The following BCAR3 variants were observed in gnomAD, a reference collection of about 807,000 sequenced individuals.
BCAR3 encodes breast cancer anti-estrogen resistance protein 3.
BCAR3 carries 37 observed loss-of-function variants against 80.1 expected under a neutral mutation model. That is an observed-to-expected ratio of 0.46 (90% CI 0.36 to 0.61). BCAR3 has a LOEUF of 0.61. Among genes scored for constraint, BCAR3 ranks in the 20% least tolerant of loss-of-function variants. The pLI, the probability that BCAR3 is intolerant of heterozygous loss-of-function variation, is 0.00. For synonymous variants in BCAR3, 389 were observed against 418.9 expected, an observed-to-expected ratio of 0.93 and a Z score of 0.87; for missense variants, 978 against 1,068.2, an observed-to-expected ratio of 0.92 and a Z score of 1.18.
At chr1:93,841,106 A>G (rs532891432) in intron 2 of BCAR3, among the ~76,000 whole-genome samples, 3 of 152,188 alleles carry the variant, frequency 2.0e-5, no homozygotes, top group South Asian at 2.1e-4. Context: ...CTGCAGAAGA[A>G]TGTCTGGGAA....
chr1:93,584,716 C>G (rs1005856371), intron 5 of BCAR3, among the ~76,000 whole-genome samples: 1 of 152,212 alleles, frequency 6.6e-6, no homozygotes, highest in Non-Finnish European at 1.5e-5. Flanking sequence ...GGCACCGGCA[C>G]GGTCACCAAG....
rs574533925 is a variant in BCAR3 at position 93,618,117 on chromosome 1, A to G, written c.357+24187T>C. ...AGGCTCAGTAGCTACAGAAGCTGCC[A>G]AAGACAGTTCTACACATTTCCCTAT... On this transcript the variant is annotated intron_variant, in intron 3 of 11. Transcript: ENST00000260502. 2.0e-5 allele frequency among the ~76,000 whole-genome samples: 3 copies of G among 152,306 alleles called. No homozygotes were observed. In the East Asian group the frequency reaches 5.8e-4, roughly 29 times the overall value.
chr1:93,639,430 C>T (rs569803569), intron 3 of BCAR3, among the ~76,000 whole-genome samples: 1 of 151,888 alleles, frequency 6.6e-6, no homozygotes, highest in African/African-American at 2.4e-5. Flanking sequence ...ACTGAAAAAA[C>T]CAAGGGAAGA....
At chr1:93,589,864 A>G (rs959860284) in intron 4 of BCAR3, among the ~76,000 whole-genome samples, 1 of 152,228 alleles carries the variant, frequency 6.6e-6, no homozygotes, top group African/African-American at 2.4e-5. Context: ...CAAGAACATG[A>G]CGTTTATACA....
intron 2 of BCAR3, among the ~76,000 whole-genome samples, chr1:93,714,233 G>C (rs1230040967): frequency 2.0e-5 from 3 of 152,100 alleles, no homozygotes; most frequent in African/African-American, 7.2e-5. Flanking sequence ...CGCCCACCTC[G>C]GCCTCCCAAA....
chr1:93,844,998 G>A (rs1655097523), intron 2 of BCAR3, among the ~76,000 whole-genome samples: 1 of 152,066 alleles, frequency 6.6e-6, no homozygotes, highest in Admixed American at 6.6e-5. Context: ...CCATGATACA[G>A]GAATTTTTTT....
At chr1:93,814,755 A>T (rs1233436528) in intron 2 of BCAR3, among the ~76,000 whole-genome samples, 1 of 152,224 alleles carries the variant, frequency 6.6e-6, no homozygotes, top group East Asian at 1.9e-4. Context: ...GACTGAACAC[A>T]GCTCCTGTGT....
At chr1:93,565,499 C>G (rs1672906522) in intron 11 of BCAR3, among the ~76,000 whole-genome samples, 1 of 152,254 alleles carries the variant, frequency 6.6e-6, no homozygotes, top group Non-Finnish European at 1.5e-5. Flanking sequence ...GCTGTGAAAT[C>G]TATATTAGGA....
chr1:93,585,620 G>A (rs1673909189), intron 5 of BCAR3, among the ~76,000 whole-genome samples: 1 of 152,090 alleles, frequency 6.6e-6, no homozygotes, highest in Non-Finnish European at 1.5e-5. Flanking sequence ...CCTTCCCAAA[G>A]GAAACAGAAG....
At chr1:93,662,641 T>G (rs1647717443) in intron 2 of BCAR3, among the ~76,000 whole-genome samples, 1 of 152,178 alleles carries the variant, frequency 6.6e-6, no homozygotes, top group Non-Finnish European at 1.5e-5. Flanking sequence ...TGAATTTTCC[T>G]CACCCCACGG....
At chr1:93,771,963 A>G (rs1232654544) in intron 2 of BCAR3, among the ~76,000 whole-genome samples, 2 of 152,196 alleles carry the variant, frequency 1.3e-5, no homozygotes, top group African/African-American at 4.8e-5. Flanking sequence ...GGCCAGAGCA[A>G]ATCATATCCC....
intron 3 of BCAR3, among the ~76,000 whole-genome samples, chr1:93,689,376 T>C (rs1452069117): frequency 2.0e-5 from 3 of 151,492 alleles, no homozygotes; most frequent in Non-Finnish European, 4.4e-5. Context: ...AAAAAAAATA[T>C]AAAAATTAGC....
chr1:93,717,027 T>C (rs536445192), intron 2 of BCAR3, among the ~76,000 whole-genome samples: 1 of 152,232 alleles, frequency 6.6e-6, no homozygotes, highest in Non-Finnish European at 1.5e-5. Context: ...GGCCTTTTGA[T>C]GAACAGAACG....
intron 2 of BCAR3, among the ~76,000 whole-genome samples, chr1:93,809,773 G>GAAAAAAAA (rs1571143045): frequency 2.1e-5 from 1 of 46,982 alleles, no homozygotes; most frequent in African/African-American, 8.1e-5. Context: ...GTCTCAAAAA[G>GAAAAAAAA]ATAAAAAAAA....
chr1:93,588,310 T>G (rs2101842333), intron 5 of BCAR3, among the ~76,000 whole-genome samples: 1 of 152,242 alleles, frequency 6.6e-6, no homozygotes. Context: ...AGAAGAGTCC[T>G]GGGAGGCCAG....
chr1:93,797,205 G>C (rs932706247), intron 2 of BCAR3, among the ~76,000 whole-genome samples: 2 of 152,130 alleles, frequency 1.3e-5, no homozygotes, highest in African/African-American at 4.8e-5. Flanking sequence ...ATAGTCCCTC[G>C]TTAGCCAGGC....
At position 93,562,154 on chromosome 1, in the gene BCAR3, TTA is replaced by T. The variant is rs771161610; in HGVS notation, c.*85_*86del. ...GCTTGTATATTGTCAGATTTGCACA[TTA>T]TTACTTTATCAAAAACAGTAAGCTT... On this transcript the variant is annotated 3_prime_UTR_variant, in exon 12 of 12. Coordinates refer to ENST00000260502, the MANE Select transcript of BCAR3 (RefSeq NM_003567.4). 7.1e-7 allele frequency: 1 copy of T among 1,403,670 alleles called. No individual in the cohort carries two copies. The highest frequency in any genetic ancestry group is 9.7e-7 in the Non-Finnish European group (1 of 1,029,070). The allele number at this position is 1,403,670 out of a possible 1,614,324, so 87.0% of individuals were successfully genotyped here. A position where few individuals can be genotyped will look rare whatever the true frequency, so the allele number is the denominator to read the frequency against.
At chr1:93,800,600 T>C (rs779711467) in intron 2 of BCAR3, among the ~76,000 whole-genome samples, 2 of 146,678 alleles carry the variant, frequency 1.4e-5, no homozygotes, top group Non-Finnish European at 3.0e-5. Context: ...AATAAATAAA[T>C]AAGAAGGAAA....
intron 1 of BCAR3, among the ~76,000 whole-genome samples, chr1:93,675,475 C>T (rs1441470374): frequency 6.6e-6 from 1 of 152,156 alleles, no homozygotes; most frequent in Non-Finnish European, 1.5e-5. Context: ...AATCAATGCA[C>T]TCTAATTAGT....
Sources: gnomAD v4.1 joint callset for allele counts (sites outside exome capture counted in the v4.1 genomes callset) on GRCh38, gnomAD v4.1.1 for gene constraint, MANE v1.5 for transcripts, NCBI Gene and HGNC (gene_info 2026-07-23, HGNC 2026-07-21) for gene names.